Variants in CPNE4 observed in about 807,000 individuals in gnomAD.
CPNE4 encodes the protein copine-4.
A neutral mutation model predicts 67.9 loss-of-function variants in CPNE4; 25 were observed. That is an observed-to-expected ratio of 0.37 (90% CI 0.27 to 0.51). The LOEUF (loss-of-function observed/expected upper bound fraction) is 0.51, where lower values mean the gene tolerates loss of function less well. CPNE4 is among the 20% of genes least tolerant of loss of function. The probability of loss-of-function intolerance (pLI) is 0.93; values close to 1 mark genes in which losing one functional copy is unlikely to be tolerated. For missense variants in CPNE4, 464 were observed against 690.8 expected, an observed-to-expected ratio of 0.67 and a Z score of 3.68; for synonymous variants, 242 against 244.9, an observed-to-expected ratio of 0.99 and a Z score of 0.11.
chr3:131,737,856 C>T (rs575548548), intron 2 of CPNE4, among the ~76,000 whole-genome samples: 2 of 152,226 alleles, frequency 1.3e-5, no homozygotes, highest in South Asian at 4.2e-4. Flanking sequence ...AAAATAGCAA[C>T]CAAAACCTTC....
intron 2 of CPNE4, among the ~76,000 whole-genome samples, chr3:131,730,736 A>G (rs1323562643): frequency 6.6e-6 from 1 of 152,160 alleles, no homozygotes; most frequent in Non-Finnish European, 1.5e-5. Flanking sequence ...AAGCCAAGAA[A>G]TGCCAAAGAT....
At chr3:131,754,007 C>A (rs780122287) in intron 2 of CPNE4, among the ~76,000 whole-genome samples, 11 of 151,926 alleles carry the variant, frequency 7.2e-5, no homozygotes, top group Non-Finnish European at 1.6e-4. Flanking sequence ...GTTTTTAGTG[C>A]CAAATAAACT....
At chr3:132,021,807 C>A (rs1182796509) in intron 1 of CPNE4, among the ~76,000 whole-genome samples, 2 of 152,236 alleles carry the variant, frequency 1.3e-5, no homozygotes, top group East Asian at 3.9e-4. Flanking sequence ...AATCACAGAA[C>A]AAGGAGCTTA....
intron 2 of CPNE4, among the ~76,000 whole-genome samples, chr3:131,841,775 A>G (rs1415410508): frequency 6.6e-6 from 1 of 152,236 alleles, no homozygotes; most frequent in African/African-American, 2.4e-5. Context: ...CTGGGAGTGC[A>G]GTTAGCAATT....
chr3:131,556,856 A>G (rs930708529), intron 11 of CPNE4, among the ~76,000 whole-genome samples: 1 of 152,082 alleles, frequency 6.6e-6, no homozygotes, highest in Admixed American at 6.6e-5. Flanking sequence ...AATAATTAAC[A>G]TTTATTGATG....
intron 2 of CPNE4, among the ~76,000 whole-genome samples, chr3:131,822,469 A>G (rs935632457): frequency 1.3e-5 from 2 of 152,306 alleles, no homozygotes; most frequent in East Asian, 3.9e-4. Context: ...CCAATTTCAT[A>G]TCCATATATA....
intron 1 of CPNE4, among the ~76,000 whole-genome samples, chr3:131,974,918 G>T (rs2072606366): frequency 6.6e-6 from 1 of 152,108 alleles, no homozygotes; most frequent in South Asian, 2.1e-4. Context: ...TGAGGGGGGA[G>T]GATGGCTTGA....
At chr3:131,945,600 C>A (rs556102744) in intron 1 of CPNE4, among the ~76,000 whole-genome samples, 9 of 152,260 alleles carry the variant, frequency 5.9e-5, no homozygotes, top group South Asian at 2.1e-4. Context: ...TCCTACCCAA[C>A]CTTCTTCCTT....
chr3:132,018,813 T>C (rs914950306), intron 1 of CPNE4, among the ~76,000 whole-genome samples: 43 of 152,178 alleles, frequency 2.8e-4, no homozygotes, highest in African/African-American at 9.9e-4. Flanking sequence ...GTCATGAAAT[T>C]GAAAATATCA....
intron 2 of CPNE4, among the ~76,000 whole-genome samples, chr3:131,874,891 A>G (rs949860230): frequency 2.0e-5 from 3 of 152,246 alleles, no homozygotes; most frequent in Non-Finnish European, 2.9e-5. Context: ...TATTTCTCAC[A>G]TACCTATCTA....
intron 2 of CPNE4, among the ~76,000 whole-genome samples, chr3:131,857,178 T>C (rs757730078): frequency 9.9e-5 from 15 of 152,044 alleles, no homozygotes; most frequent in Non-Finnish European, 1.9e-4. Context: ...AAAGATACTC[T>C]GTGCTAATAC....
intron 1 of CPNE4, among the ~76,000 whole-genome samples, chr3:131,979,143 G>C (rs902324538): frequency 3.9e-5 from 6 of 152,108 alleles, no homozygotes; most frequent in Non-Finnish European, 8.8e-5. Context: ...TCTACTCACT[G>C]TTGAATGGAA....
rs938865436 is a variant in CPNE4, at chr3:131,533,602, A to G, written c.*1593T>C. On this transcript the variant is annotated 3_prime_UTR_variant, in exon 16 of 16. Coordinates refer to ENST00000429747, the MANE Select transcript of CPNE4 (RefSeq NM_130808.3). The stretch of plus-strand genomic sequence containing the variant: ...GTACCCAATTTATTAATAAAACAAT[A>G]TAGCTTAAATATTTATGATTTTTTC... The G allele has an allele frequency of 1.3e-5, 2 of 152,218 alleles. No individual in the cohort carries two copies. Among genetic ancestry groups the G allele is most frequent in the African/African-American group, 2.4e-5 (1 of 41,450 alleles). 9.4% of individuals were successfully genotyped at this position (152,218 alleles called of 1,614,324 possible).
intron 14 of CPNE4, among the ~76,000 whole-genome samples, chr3:131,543,320 A>ATT (rs1203017396): frequency 6.6e-6 from 1 of 152,268 alleles, no homozygotes; most frequent in East Asian, 1.9e-4. Flanking sequence ...ATGAATTTAA[A>ATT]TTTAACATTA....
chr3:132,035,878 G>A (rs1439304948), upstream of CPNE4, among the ~76,000 whole-genome samples: 2 of 152,130 alleles, frequency 1.3e-5, no homozygotes, highest in African/African-American at 2.4e-5. Context: ...TACATCTAAC[G>A]TGGAGGGGAG....
At chr3:131,578,520 A>G (rs1050641721) in intron 9 of CPNE4, among the ~76,000 whole-genome samples, 1 of 152,212 alleles carries the variant, frequency 6.6e-6, no homozygotes, top group Admixed American at 6.5e-5. Flanking sequence ...CTTACTTAAA[A>G]TTAAAAGCTA....
chr3:131,614,843 A>C (rs1279530859), intron 7 of CPNE4, among the ~76,000 whole-genome samples: 1 of 152,176 alleles, frequency 6.6e-6, no homozygotes, highest in Non-Finnish European at 1.5e-5. Context: ...CTTGTTCTTA[A>C]TGTCTTAATA....
intron 7 of CPNE4, among the ~76,000 whole-genome samples, chr3:131,591,280 A>C (rs1938511981): frequency 6.6e-6 from 1 of 152,174 alleles, no homozygotes; most frequent in Non-Finnish European, 1.5e-5. Flanking sequence ...TTAGTCTTTT[A>C]CCTTTGGAAG....
intron 1 of CPNE4, among the ~76,000 whole-genome samples, chr3:131,952,251 C>G (rs1313411644): frequency 1.3e-5 from 2 of 151,342 alleles, no homozygotes; most frequent in East Asian, 2.0e-4. Context: ...TCTGCCCGGC[C>G]GCGAACCCGT....
Sources: allele counts gnomAD v4.1 joint callset (sites outside exome capture counted in the v4.1 genomes callset), GRCh38; gene constraint gnomAD v4.1.1; transcripts MANE v1.5; gene names NCBI Gene and HGNC (gene_info 2026-07-23, HGNC 2026-07-21).